The following SLIT3 variants were observed in gnomAD, a reference collection of about 807,000 sequenced individuals.
SLIT3 encodes slit guidance ligand 3.
A neutral mutation model predicts 184.0 loss-of-function variants in SLIT3; 68 were observed. The observed-to-expected ratio is 0.37, with a 90% CI of 0.30 to 0.45. The LOEUF (loss-of-function observed/expected upper bound fraction) is 0.45. Among genes scored for constraint, SLIT3 ranks in the 20% least tolerant of loss-of-function variants. The pLI is 1.00. For synonymous variants in SLIT3, 831 were observed against 828.6 expected, an observed-to-expected ratio of 1.00 and a Z score of -0.05; for missense variants, 1,707 against 2,026.0, an observed-to-expected ratio of 0.84 and a Z score of 3.02.
At chr5:168,700,536 T>G in intron 27 of SLIT3, 46 bp downstream of exon 27, 68 of 1,341,656 alleles carry the variant, frequency 5.1e-5, no homozygotes, top group Non-Finnish European at 7.0e-5. Context: ...ATTAGCAGTG[T>G]GAGAGCAAAC....
chr5:169,077,313 G>A (rs910698571), intron 4 of SLIT3, among the ~76,000 whole-genome samples: 5 of 152,162 alleles, frequency 3.3e-5, no homozygotes, highest in African/African-American at 9.6e-5. Context: ...TGAGGCGGGC[G>A]GATCACAAGG....
chr5:169,186,426 A>G (rs1763338441), intron 4 of SLIT3, among the ~76,000 whole-genome samples: 1 of 152,206 alleles, frequency 6.6e-6, no homozygotes, highest in South Asian at 2.1e-4. Flanking sequence ...GTGAGAAAAT[A>G]TATTTCTGTA....
chr5:169,108,875 T>C (rs1325156816), intron 4 of SLIT3, among the ~76,000 whole-genome samples: 2 of 152,210 alleles, frequency 1.3e-5, no homozygotes, highest in Non-Finnish European at 2.9e-5. Flanking sequence ...CTACGAATCC[T>C]GGCTGAGTGA....
intron 3 of SLIT3, among the ~76,000 whole-genome samples, chr5:169,235,010 C>G (rs1360141026): frequency 6.6e-6 from 1 of 152,098 alleles, no homozygotes; most frequent in Admixed American, 6.5e-5. Flanking sequence ...GTTTTGACCC[C>G]TCAGAGTTGA....
At chr5:168,785,843 C>G (rs775450388) in intron 12 of SLIT3, 64 bp downstream of exon 12, 15 of 1,213,954 alleles carry the variant, frequency 1.2e-5, no homozygotes, top group African/African-American at 7.5e-5. Context: ...CATGGCTCAA[C>G]GTTTTCAGGT....
chr5:169,232,866 G>C (rs191944980), intron 3 of SLIT3, among the ~76,000 whole-genome samples: 3 of 152,312 alleles, frequency 2.0e-5, no homozygotes, highest in East Asian at 1.9e-4. Context: ...AATTTGGAGA[G>C]AGTTGCCATA....
chr5:169,004,699 A>C (rs2113433943), intron 4 of SLIT3, among the ~76,000 whole-genome samples: 1 of 152,172 alleles, frequency 6.6e-6, no homozygotes, highest in South Asian at 2.1e-4. Flanking sequence ...TGGTATTTGG[A>C]GGTGGAGCCT....
At chr5:168,859,181 C>T (rs185425261) in intron 5 of SLIT3, among the ~76,000 whole-genome samples, 6 of 152,196 alleles carry the variant, frequency 3.9e-5, no homozygotes, top group East Asian at 1.9e-4. Context: ...GGTGGAGGGA[C>T]GGGGTCTATC....
chr5:169,152,115 C>A (rs1762134989), intron 4 of SLIT3, among the ~76,000 whole-genome samples: 1 of 152,138 alleles, frequency 6.6e-6, no homozygotes, highest in African/African-American at 2.4e-5. Flanking sequence ...CAACACTGGA[C>A]CCAGAGAGGT....
intron 4 of SLIT3, among the ~76,000 whole-genome samples, chr5:169,129,973 T>C (rs1258697613): frequency 6.6e-6 from 1 of 152,106 alleles, no homozygotes; most frequent in Non-Finnish European, 1.5e-5. Flanking sequence ...CTCAGCCACC[T>C]GAGCAGCTGG....
intron 4 of SLIT3, among the ~76,000 whole-genome samples, chr5:169,181,419 T>A (rs1016753303): frequency 1.3e-5 from 2 of 152,134 alleles, no homozygotes; most frequent in African/African-American, 4.8e-5. Context: ...TCTCTCTAGA[T>A]TGCTACCACT....
chr5:169,063,280 T>C (rs1332308956), intron 4 of SLIT3, among the ~76,000 whole-genome samples: 1 of 152,238 alleles, frequency 6.6e-6, no homozygotes, highest in Non-Finnish European at 1.5e-5. Flanking sequence ...TTATTTGCTT[T>C]GATTGCTTCT....
chr5:169,200,611 A>AGATG (rs960372353), intron 3 of SLIT3, among the ~76,000 whole-genome samples: 3 of 152,228 alleles, frequency 2.0e-5, no homozygotes, highest in African/African-American at 7.2e-5. Context: ...ATCAGTTCAG[A>AGATG]GATGACATCA....
chr5:169,018,718 T>C (rs1341323176), intron 4 of SLIT3: 3 of 152,260 alleles, frequency 2.0e-5, no homozygotes, highest in Admixed American at 2.0e-4. Context: ...TCTTCACTCT[T>C]CAATGCTTTG....
At chr5:169,020,507 A>C (rs186736111) in intron 4 of SLIT3, among the ~76,000 whole-genome samples, 179 of 152,346 alleles carry the variant, frequency 1.2e-3, no homozygotes, top group African/African-American at 4.0e-3. Flanking sequence ...ACTTGGAAGG[A>C]AGCCACCTAC....
intron 4 of SLIT3, among the ~76,000 whole-genome samples, chr5:169,187,216 C>T (rs988966364): frequency 5.0e-5 from 7 of 140,642 alleles, no homozygotes; most frequent in Admixed American, 7.8e-5. Context: ...TGGGTTCAAG[C>T]GATTCTCCTG....
chr5:169,178,312 G>C (rs1275910739), intron 4 of SLIT3, among the ~76,000 whole-genome samples: 1 of 152,160 alleles, frequency 6.6e-6, no homozygotes, highest in Non-Finnish European at 1.5e-5. Flanking sequence ...AGAAATCTGA[G>C]TGCTGAGGTT....
chr5:169,047,641 G>C (rs1247560230), intron 4 of SLIT3, among the ~76,000 whole-genome samples: 4 of 151,984 alleles, frequency 2.6e-5, no homozygotes, highest in African/African-American at 9.7e-5. Flanking sequence ...AGTCCAGCTG[G>C]GCTGACCAAA....
chr5:169,178,342 C>T (rs149642584), intron 4 of SLIT3, among the ~76,000 whole-genome samples: 1 of 152,198 alleles, frequency 6.6e-6, no homozygotes, highest in Admixed American at 6.5e-5. Context: ...CCTACTGCTC[C>T]CTGCCTCAGT....
Sources: allele counts gnomAD v4.1 joint callset (sites outside exome capture counted in the v4.1 genomes callset), GRCh38; gene constraint gnomAD v4.1.1; transcripts MANE v1.5; gene names NCBI Gene and HGNC (gene_info 2026-07-23, HGNC 2026-07-21).